PGCKA1: variants seen among roughly 807,000 people sequenced by gnomAD.
PGCKA1 encodes PDCD10 and GCKIII kinases associated 1, also known as PDCD10 and GCKIII kinases-associated protein 1.
chr4:37,553,581 TAACACAA>T, the PGCKA1 span, among the ~76,000 whole-genome samples: 1 of 152,224 alleles, frequency 6.6e-6, no homozygotes, highest in Admixed American at 6.5e-5. Flanking sequence ...TTATCTTACG[TAACACAA>T]AGATAGAAAA....
chr4:37,455,907 C>G, the PGCKA1 span, among the ~76,000 whole-genome samples: 1 of 152,224 alleles, frequency 6.6e-6, no homozygotes, highest in East Asian at 1.9e-4. Context: ...TAATTGAATA[C>G]CAGCCTTCCA....
At chr4:37,556,346 C>T in the PGCKA1 span, among the ~76,000 whole-genome samples, 6 of 152,078 alleles carry the variant, frequency 3.9e-5, no homozygotes, top group Admixed American at 6.5e-5. Context: ...CGGCTCACTG[C>T]AACCTCTGTC....
At chr4:37,473,857 T>G in the PGCKA1 span, among the ~76,000 whole-genome samples, 3 of 152,062 alleles carry the variant, frequency 2.0e-5, no homozygotes, top group African/African-American at 7.2e-5. Flanking sequence ...CAGCTACAGA[T>G]CCATTAAAAA....
chr4:37,560,643 C>G, the PGCKA1 span, among the ~76,000 whole-genome samples: 1 of 151,946 alleles, frequency 6.6e-6, no homozygotes, highest in African/African-American at 2.4e-5. Context: ...GACACCTTGC[C>G]CCTACATCAA....
At chr4:37,568,520 C>T in the PGCKA1 span, among the ~76,000 whole-genome samples, 1 of 152,230 alleles carries the variant, frequency 6.6e-6, no homozygotes, top group Non-Finnish European at 1.5e-5. Context: ...TCTCACAGTT[C>T]CTCCTGGCAG....
chr4:37,531,891 C>CAAAAAAAAAAA, the PGCKA1 span, among the ~76,000 whole-genome samples: 1 of 70,940 alleles, frequency 1.4e-5, no homozygotes, highest in African/African-American at 4.7e-5. Flanking sequence ...GAATCTGTCT[C>CAAAAAAAAAAA]AAAAAAAAAA....
At chr4:37,513,353 A>C in the PGCKA1 span, among the ~76,000 whole-genome samples, 1 of 152,214 alleles carries the variant, frequency 6.6e-6, no homozygotes, top group Non-Finnish European at 1.5e-5. Context: ...AATGGGAATA[A>C]ATTTTCTTAC....
At chr4:37,590,816 G>T in the PGCKA1 span, 1 of 1,614,218 alleles carries the variant, frequency 6.2e-7, no homozygotes, top group African/African-American at 1.3e-5. Flanking sequence ...CTAAGCATCT[G>T]CTTTAATGAG....
chr4:37,494,723 C>T, the PGCKA1 span, among the ~76,000 whole-genome samples: 1 of 152,186 alleles, frequency 6.6e-6, no homozygotes, highest in Non-Finnish European at 1.5e-5. Context: ...AATGGCTGAA[C>T]TAATTTACAC....
chr4:37,502,687 G>T, the PGCKA1 span, among the ~76,000 whole-genome samples: 1 of 152,168 alleles, frequency 6.6e-6, no homozygotes, highest in Non-Finnish European at 1.5e-5. Flanking sequence ...TTCACGTACC[G>T]ACACAGCAAT....
At chr4:37,546,293 C>G in the PGCKA1 span, among the ~76,000 whole-genome samples, 3 of 152,156 alleles carry the variant, frequency 2.0e-5, no homozygotes, top group African/African-American at 7.2e-5. Context: ...GGCAGCCTGG[C>G]GCCAGGCCTA....
At chr4:37,540,782 T>G in the PGCKA1 span, among the ~76,000 whole-genome samples, 16 of 149,034 alleles carry the variant, frequency 1.1e-4, 1 homozygote, top group African/African-American at 4.0e-4. Flanking sequence ...ATTGGCCCCA[T>G]GTAGAGGTGG....
chr4:37,499,899 T>G, the PGCKA1 span, among the ~76,000 whole-genome samples: 1 of 149,130 alleles, frequency 6.7e-6, no homozygotes, highest in East Asian at 2.0e-4. Context: ...GTTAAGTTGT[T>G]AAACTGAGGT....
chr4:37,461,295 A>T, the PGCKA1 span, among the ~76,000 whole-genome samples: 1 of 151,932 alleles, frequency 6.6e-6, no homozygotes, highest in Non-Finnish European at 1.5e-5. Context: ...TCTTGGCTGT[A>T]TGGACTCTTT....
the PGCKA1 span, among the ~76,000 whole-genome samples, chr4:37,458,890 G>A: frequency 1.3e-5 from 2 of 152,150 alleles, no homozygotes; most frequent in East Asian, 1.9e-4. Flanking sequence ...TATGTAACTT[G>A]TCTAACTTAA....
the PGCKA1 span, among the ~76,000 whole-genome samples, chr4:37,561,827 T>G: frequency 6.6e-6 from 1 of 152,226 alleles, no homozygotes; most frequent in Non-Finnish European, 1.5e-5. Flanking sequence ...TATGTGTGTT[T>G]CAGTTGTTAA....
the PGCKA1 span, among the ~76,000 whole-genome samples, chr4:37,523,584 A>G: frequency 6.6e-6 from 1 of 152,130 alleles, no homozygotes; most frequent in South Asian, 2.1e-4. Context: ...TTTGCCAGTC[A>G]GTTTTCATAT....
At chr4:37,531,948 C>A in the PGCKA1 span, among the ~76,000 whole-genome samples, 2 of 150,996 alleles carry the variant, frequency 1.3e-5, no homozygotes, top group African/African-American at 4.9e-5. Flanking sequence ...CTCGTCACTT[C>A]CTAAATATTT....
the PGCKA1 span, among the ~76,000 whole-genome samples, chr4:37,524,154 G>A: frequency 3.3e-4 from 51 of 152,318 alleles, no homozygotes; most frequent in South Asian, 6.4e-3. Flanking sequence ...TCATGAAGCC[G>A]TTTAAGAAAA....
Sources: gnomAD v4.1 joint callset for allele counts (sites outside exome capture counted in the v4.1 genomes callset) on GRCh38, gnomAD v4.1.1 for gene constraint, MANE v1.5 for transcripts, NCBI Gene and HGNC (gene_info 2026-07-23, HGNC 2026-07-21) for gene names.